Variants in RGPD2 observed in about 807,000 individuals in gnomAD.
RGPD2 encodes the protein RANBP2 like and GRIP domain containing 2.
Under a neutral mutation model 36.0 loss-of-function variants are expected in RGPD2, and 2 were observed. The ratio of observed to expected loss-of-function variants is 0.06; its 90% CI spans 0.02 to 0.17. The LOEUF (loss-of-function observed/expected upper bound fraction) is 0.17, where lower values mean the gene tolerates loss of function less well. RGPD2 is among the 10% of genes least tolerant of loss of function. The probability of loss-of-function intolerance (pLI) is 1.00; values close to 1 mark genes in which losing one functional copy is unlikely to be tolerated. For synonymous variants in RGPD2, 19 were observed against 163.8 expected (o/e 0.12, Z 6.75); for missense variants, 40 against 464.3 (o/e 0.09, Z 8.40).
At chr2:87,973,009 C>G in the RGPD2 span, 1 of 1,607,710 alleles carries the variant, frequency 6.2e-7, no homozygotes. Flanking sequence ...ACCTTCGCCT[C>G]CTCAGCACCT....
intron 1 of RGPD2, chr2:87,824,998 A>T: frequency 2.6e-6 from 1 of 385,552 alleles, no homozygotes; most frequent in Non-Finnish European, 4.6e-6. Flanking sequence ...TACTTCTTAC[A>T]CTATTCCTCA....
the RGPD2 span, among the ~76,000 whole-genome samples, chr2:87,967,468 A>G: frequency 1.3e-5 from 2 of 150,288 alleles, no homozygotes; most frequent in South Asian, 4.1e-4. Flanking sequence ...TCTGATAATT[A>G]TTAATTATCT....
intron 22 of RGPD2, among the ~76,000 whole-genome samples, chr2:87,769,398 A>T (rs1437118537): frequency 6.6e-6 from 1 of 151,926 alleles, no homozygotes; most frequent in East Asian, 1.9e-4. Context: ...TAATCTTTAA[A>T]GGGCAAACTA....
chr2:87,809,763 G>A (rs1686099510), intron 6 of RGPD2, among the ~76,000 whole-genome samples: 1 of 151,546 alleles, frequency 6.6e-6, no homozygotes. Flanking sequence ...ACCCCCTCAT[G>A]GTCCGGATTC....
chr2:87,844,339 T>A, the RGPD2 span, among the ~76,000 whole-genome samples: 1 of 150,606 alleles, frequency 6.6e-6, no homozygotes, highest in Non-Finnish European at 1.5e-5. Context: ...AATAGTGTTT[T>A]GCAGTTATGA....
At chr2:87,758,270 TAAC>T in intron 22 of RGPD2, among the ~76,000 whole-genome samples, 1 of 139,730 alleles carries the variant, frequency 7.2e-6, no homozygotes, top group East Asian at 2.1e-4. Context: ...ACAGGGATAA[TAAC>T]ACCTTCCTCA....
At chr2:87,968,788 G>A in the RGPD2 span, 88 of 190,508 alleles carry the variant, frequency 4.6e-4, no homozygotes, top group Non-Finnish European at 7.2e-4. Context: ...TGATTCCTTG[G>A]ACCTATGCAA....
chr2:87,910,723 C>G, the RGPD2 span, among the ~76,000 whole-genome samples: 2 of 151,178 alleles, frequency 1.3e-5, no homozygotes, highest in African/African-American at 4.9e-5. Flanking sequence ...AGTACAATAA[C>G]TATTTGAATA....
chr2:87,956,316 T>C, the RGPD2 span, among the ~76,000 whole-genome samples: 6 of 152,200 alleles, frequency 3.9e-5, no homozygotes, highest in Middle Eastern at 3.4e-3. Context: ...GTTCCACTTC[T>C]GGTGTTACAA....
chr2:87,921,884 A>G, the RGPD2 span, among the ~76,000 whole-genome samples: 1 of 152,004 alleles, frequency 6.6e-6, no homozygotes, highest in African/African-American at 2.4e-5. Flanking sequence ...GCATTTTCTG[A>G]TATTGCCTTG....
chr2:87,809,762 T>C (rs2104343447), intron 6 of RGPD2, among the ~76,000 whole-genome samples: 1 of 151,704 alleles, frequency 6.6e-6, no homozygotes, highest in East Asian at 1.9e-4. Context: ...CACCCCCTCA[T>C]GGTCCGGATT....
At chr2:87,963,115 CAAAT>C in the RGPD2 span, among the ~76,000 whole-genome samples, 103 of 149,496 alleles carry the variant, frequency 6.9e-4, no homozygotes, top group African/African-American at 2.5e-3. Flanking sequence ...GACTCTGTCT[CAAAT>C]AATAAGAATA....
chr2:87,831,927 A>G, the RGPD2 span, among the ~76,000 whole-genome samples: 1 of 145,356 alleles, frequency 6.9e-6, no homozygotes, highest in Non-Finnish European at 1.5e-5. Context: ...TTATAAAATA[A>G]TATTTTAATA....
chr2:87,867,632 A>T, the RGPD2 span, among the ~76,000 whole-genome samples: 1 of 152,144 alleles, frequency 6.6e-6, no homozygotes, highest in African/African-American at 2.4e-5. Flanking sequence ...TTTACTCAAA[A>T]ATAGGTTTTT....
chr2:87,970,116 T>A, the RGPD2 span, among the ~76,000 whole-genome samples: 2 of 151,554 alleles, frequency 1.3e-5, no homozygotes, highest in Admixed American at 6.6e-5. Flanking sequence ...TCTTCCTTTT[T>A]TTTCTGAGAC....
At chr2:87,773,693 CAAAAA>C in intron 21 of RGPD2, among the ~76,000 whole-genome samples, 1 of 2,600 alleles carries the variant, frequency 3.8e-4, no homozygotes, top group Admixed American at 4.2e-3. Flanking sequence ...AAGACTATCT[CAAAAA>C]AAAAAAAAAA....
the RGPD2 span, among the ~76,000 whole-genome samples, chr2:87,882,644 T>C: frequency 2.0e-5 from 3 of 152,276 alleles, no homozygotes; most frequent in African/African-American, 7.2e-5. Flanking sequence ...CATTGGAATT[T>C]TGATACGGAT....
the RGPD2 span, among the ~76,000 whole-genome samples, chr2:87,919,097 C>T: frequency 6.6e-6 from 1 of 150,580 alleles, no homozygotes; most frequent in Non-Finnish European, 1.5e-5. Context: ...GTGGCAGTTA[C>T]CTCCAGTATT....
chr2:87,913,885 T>A, the RGPD2 span, among the ~76,000 whole-genome samples: 1 of 152,268 alleles, frequency 6.6e-6, no homozygotes, highest in East Asian at 1.9e-4. Flanking sequence ...ACACTCTATG[T>A]AACACAGCAT....
Sources: gnomAD v4.1 joint callset for allele counts (sites outside exome capture counted in the v4.1 genomes callset) on GRCh38, gnomAD v4.1.1 for gene constraint, MANE v1.5 for transcripts, NCBI Gene and HGNC (gene_info 2026-07-23, HGNC 2026-07-21) for gene names.